The following MERTK variants were observed in gnomAD, a reference collection of about 807,000 sequenced individuals.
MERTK encodes MER proto-oncogene, tyrosine kinase, also known as tyrosine-protein kinase Mer.
MERTK carries 69 observed loss-of-function variants against 99.3 expected under a neutral mutation model. That is an observed-to-expected ratio of 0.70 (90% confidence interval 0.57 to 0.85). The LOEUF is 0.85. Ranked by LOEUF, MERTK falls within the 40% of genes least tolerant of loss-of-function variation. The pLI is 0.00. For missense variants in MERTK, 1,125 were observed against 1,249.4 expected, an observed-to-expected ratio of 0.90 and a Z score of 1.50; for synonymous variants, 426 against 467.6, an observed-to-expected ratio of 0.91 and a Z score of 1.15.
chr2:111,998,630 A>C (rs114283819), intron 10 of MERTK, among the ~76,000 whole-genome samples: 1,531 of 152,362 alleles, frequency 0.01, 29 homozygotes, highest in African/African-American at 0.035. Context: ...TTTGTGCAGA[A>C]GTGGCTGACA....
At chr2:112,020,919 C>T (rs546283447) in intron 16 of MERTK, among the ~76,000 whole-genome samples, 134 of 151,820 alleles carry the variant, frequency 8.8e-4, no homozygotes, top group African/African-American at 3.0e-3. Flanking sequence ...TGAGGCTAGG[C>T]GTGGTAGCTC....
intron 4 of MERTK, among the ~76,000 whole-genome samples, chr2:111,949,686 C>T (rs559902645): frequency 1.6e-4 from 25 of 152,254 alleles, no homozygotes; most frequent in Admixed American, 1.6e-3. Context: ...GCTACCACCT[C>T]GGTCAAGATA....
At position 111,903,263 on chromosome 2, in the gene MERTK, A is replaced by G. The variant is rs74475258; in HGVS notation, c.61+4467A>G. Among the ~76,000 whole-genome samples the G allele has an allele frequency of 3.4e-3, 516 of 152,318 alleles. 2 individuals are homozygous for G. Among genetic ancestry groups the G allele is most frequent in the African/African-American group, 0.012 (480 of 41,572 alleles). Reference sequence around the variant, plus strand: ...GTCTTACCAGGTGCTCTTCACCCTTATCTTTTCCTACTGGCTTTTCCAGAA... The same window carrying G: ...GTCTTACCAGGTGCTCTTCACCCTTGTCTTTTCCTACTGGCTTTTCCAGAA... On this transcript the variant is annotated intron_variant, in intron 1 of 18. Coordinates refer to ENST00000295408, the MANE Select transcript of MERTK (RefSeq NM_006343.3).
At chr2:112,005,100 C>T (rs1274680840) in intron 13 of MERTK, among the ~76,000 whole-genome samples, 3 of 151,944 alleles carry the variant, frequency 2.0e-5, no homozygotes, top group Non-Finnish European at 2.9e-5. Flanking sequence ...TGGAGTCTCA[C>T]TGTGTCACAC....
intron 14 of MERTK, 138 bp downstream of exon 14, chr2:112,008,613 C>T (rs981579038): frequency 5.2e-6 from 4 of 773,122 alleles, no homozygotes; most frequent in Non-Finnish European, 9.4e-6. Flanking sequence ...AGGTTTTCAC[C>T]CAGACTTTTC....
intron 6 of MERTK, among the ~76,000 whole-genome samples, chr2:111,973,956 G>A (rs1313687246): frequency 1.4e-5 from 2 of 145,294 alleles, no homozygotes; most frequent in Non-Finnish European, 3.0e-5. Flanking sequence ...GTTTTCTGAA[G>A]GAGGGGCAAA....
intron 1 of MERTK, among the ~76,000 whole-genome samples, chr2:111,905,414 T>C (rs1684118769): frequency 6.7e-6 from 1 of 150,200 alleles, no homozygotes; most frequent in East Asian, 1.9e-4. Flanking sequence ...AAACATTTCA[T>C]TGAGAAACCT....
intron 6 of MERTK, among the ~76,000 whole-genome samples, chr2:111,974,769 C>CAAAAAAAAAAAA (rs35594851): frequency 7.5e-5 from 4 of 53,376 alleles, no homozygotes; most frequent in East Asian, 7.7e-4. Flanking sequence ...AGGTCCATCT[C>CAAAAAAAAAAAA]AAAAAAAAAA....
intron 1 of MERTK, among the ~76,000 whole-genome samples, chr2:111,917,728 T>C (rs1043024901): frequency 1.3e-5 from 2 of 151,874 alleles, no homozygotes; most frequent in Middle Eastern, 3.2e-3. Context: ...CTACTAAAAA[T>C]ACAAAAATTA....
chr2:111,973,991 CAAAA>C (rs34537631), intron 6 of MERTK, among the ~76,000 whole-genome samples: 2 of 84,712 alleles, frequency 2.4e-5, no homozygotes, highest in African/African-American at 5.8e-5. Context: ...ATCTCCTCAT[CAAAA>C]AAAAAAAAAA....
chr2:111,978,131 TG>T (rs1558794547), intron 7 of MERTK, among the ~76,000 whole-genome samples: 3 of 143,730 alleles, frequency 2.1e-5, no homozygotes, highest in African/African-American at 7.8e-5. Context: ...TTTTTTTTTA[TG>T]TTTTGTTTTT....
intron 6 of MERTK, among the ~76,000 whole-genome samples, chr2:111,974,175 G>T (rs539963016): frequency 2.7e-4 from 34 of 127,748 alleles, no homozygotes; most frequent in East Asian, 2.7e-3. Context: ...GAACCCTTAA[G>T]ATCAGGAGTT....
chr2:112,001,586 A>C (rs1424753726), intron 11 of MERTK, among the ~76,000 whole-genome samples: 1 of 152,158 alleles, frequency 6.6e-6, no homozygotes. Flanking sequence ...CCAGGGATTT[A>C]AAGAAAACTT....
At chr2:112,011,121 G>A (rs965032120) in intron 15 of MERTK, among the ~76,000 whole-genome samples, 1 of 152,170 alleles carries the variant, frequency 6.6e-6, no homozygotes, top group Admixed American at 6.5e-5. Flanking sequence ...TATGAGGACC[G>A]CTGAGTGCAG....
At chr2:111,967,285 A>G (rs1293267937) in intron 5 of MERTK, among the ~76,000 whole-genome samples, 2 of 152,192 alleles carry the variant, frequency 1.3e-5, no homozygotes, top group Non-Finnish European at 2.9e-5. Flanking sequence ...CTTATCTATG[A>G]ATGTGGATTG....
intron 18 of MERTK, 180 bp from the exon 19 acceptor site, chr2:112,028,162 TCAAATACCA>T: frequency 1.5e-6 from 1 of 657,164 alleles, no homozygotes; most frequent in Admixed American, 2.8e-5. Context: ...CACTTTTTTG[TCAAATACCA>T]TGGAACATTT....
intron 8 of MERTK, among the ~76,000 whole-genome samples, chr2:111,990,609 A>G (rs1676597194): frequency 1.3e-5 from 2 of 152,230 alleles, no homozygotes; most frequent in Non-Finnish European, 2.9e-5. Context: ...AAGTGAGTAG[A>G]CACAGGTTAA....
In MERTK at chr2:111,968,169, C is replaced by T. The variant is rs369655379; in HGVS notation, c.877C>T (p.Arg293Cys). The T allele has an allele frequency of 1.4e-5, 23 of 1,613,758 alleles. No individual in the cohort carries two copies. The highest frequency in any genetic ancestry group is 4.2e-6 in the Non-Finnish European group (5 of 1,179,952). ...CTCCCCACCAACTGAAGTCAGCATC[C>T]GTAACAGCACTGCACACAGCATTCT... is the stretch of plus-strand genomic sequence containing the variant. ...IPSPPTEVSI[R>C]NSTAHSILIS... is the part of the protein sequence containing the mutation. Residue 293 changes from arginine (R) to cysteine (C), a missense_variant, in exon 6 of 19, where the codon CGT (arginine) becomes TGT (cysteine). Physicochemically the swap from Arg to Cys is radical, Grantham distance 180. Coordinates refer to ENST00000295408, the MANE Select transcript of MERTK (RefSeq NM_006343.3).
At chr2:111,906,625 A>G (rs1441679168) in intron 1 of MERTK, among the ~76,000 whole-genome samples, 1 of 152,236 alleles carries the variant, frequency 6.6e-6, no homozygotes, top group African/African-American at 2.4e-5. Context: ...ACTTGTTCCA[A>G]TTAACGGCAG....
Sources: allele counts gnomAD v4.1 joint callset (sites outside exome capture counted in the v4.1 genomes callset), GRCh38; gene constraint gnomAD v4.1.1; transcripts MANE v1.5; gene names NCBI Gene and HGNC (gene_info 2026-07-23, HGNC 2026-07-21).